DCAF5: variants seen among roughly 807,000 people sequenced by gnomAD.
DCAF5 encodes DDB1- and CUL4-associated factor 5.
A neutral mutation model predicts 80.7 loss-of-function variants in DCAF5; 9 were observed. The ratio of observed to expected loss-of-function variants is 0.11; its 90% confidence interval spans 0.07 to 0.19. DCAF5 has a LOEUF of 0.19. Ranked by LOEUF, DCAF5 falls within the 10% of genes least tolerant of loss-of-function variation. The probability of loss-of-function intolerance (pLI) is 1.00; values close to 1 mark genes in which losing one functional copy is unlikely to be tolerated. For missense variants in DCAF5, 842 were observed against 1,205.7 expected (o/e 0.70, Z 4.47); for synonymous variants, 433 against 461.9 (o/e 0.94, Z 0.80).
In DCAF5 at chr14:69,050,933, A is replaced by T. The variant is rs1486296490; in HGVS notation, c.*2924T>A. ...AAGAGGAAGACGTGAGAAGTGAATA[A>T]TAGGTTTATTTGCATATACACAAGA... On this transcript the variant is annotated 3_prime_UTR_variant, in exon 9 of 9. Coordinates refer to ENST00000341516, the MANE Select transcript of DCAF5 (RefSeq NM_003861.3). 2 of 152,678 alleles carry T rather than the reference A, an allele frequency of 1.3e-5. No individual in the cohort carries two copies. Among genetic ancestry groups the T allele is most frequent in the Non-Finnish European group, 2.9e-5 (2 of 68,044 alleles). 9.5% of individuals were successfully genotyped at this position (152,678 alleles called of 1,614,324 possible). A position where few individuals can be genotyped will look rare whatever the true frequency, so the allele number is the denominator to read the frequency against.
At chr14:69,082,756 G>T (rs916832802) in intron 6 of DCAF5, among the ~76,000 whole-genome samples, 1 of 152,160 alleles carries the variant, frequency 6.6e-6, no homozygotes, top group Non-Finnish European at 1.5e-5. Flanking sequence ...AAGCAAAGGT[G>T]TTCCAGCATT....
chr14:69,091,328 T>TA (rs993766058), intron 6 of DCAF5, among the ~76,000 whole-genome samples: 3 of 152,198 alleles, frequency 2.0e-5, no homozygotes, highest in African/African-American at 4.8e-5. Context: ...TTCTTTTTTT[T>TA]AATGTCTCTC....
At chr14:69,067,727 C>T (rs564092203) in intron 7 of DCAF5, among the ~76,000 whole-genome samples, 1 of 151,904 alleles carries the variant, frequency 6.6e-6, no homozygotes, top group South Asian at 2.1e-4. Flanking sequence ...ACCTTCACCT[C>T]CCCAGTTCAA....
At chr14:69,139,383 C>T (rs544650240) in intron 1 of DCAF5, among the ~76,000 whole-genome samples, 1 of 152,176 alleles carries the variant, frequency 6.6e-6, no homozygotes, top group African/African-American at 2.4e-5. Flanking sequence ...CCTATGTGTC[C>T]TAGCTACTTG....
At chr14:69,131,986 C>G (rs2041052853) in intron 1 of DCAF5, among the ~76,000 whole-genome samples, 2 of 152,068 alleles carry the variant, frequency 1.3e-5, no homozygotes, top group African/African-American at 4.8e-5. Context: ...CTTTTTAAGG[C>G]TGAATAATAC....
At chr14:69,070,799 TTTTTG>T (rs1298619403) in intron 7 of DCAF5, among the ~76,000 whole-genome samples, 3 of 151,954 alleles carry the variant, frequency 2.0e-5, no homozygotes, top group Non-Finnish European at 4.4e-5. Flanking sequence ...TCTTTTTTTT[TTTTTG>T]TTTTTCTTTT....
At chr14:69,122,948 G>A (rs2040768879) in intron 1 of DCAF5, among the ~76,000 whole-genome samples, 2 of 152,090 alleles carry the variant, frequency 1.3e-5, no homozygotes, top group Admixed American at 1.3e-4. Context: ...GGTTGTTATT[G>A]TTTTTTCCCA....
intron 5 of DCAF5, among the ~76,000 whole-genome samples, chr14:69,099,295 C>CACAT (rs1555373765): frequency 3.1e-4 from 42 of 137,366 alleles, no homozygotes; most frequent in Non-Finnish European, 6.5e-4. Flanking sequence ...CACACACACA[C>CACAT]ACACAACTAA....
At chr14:69,131,038 T>C (rs1455998162) in intron 1 of DCAF5, among the ~76,000 whole-genome samples, 2 of 152,216 alleles carry the variant, frequency 1.3e-5, no homozygotes, top group African/African-American at 2.4e-5. Context: ...AGCTCTCAAA[T>C]TGTCCTTGTG....
Position 69,053,621 on chromosome 14 carries a change from A to G in DCAF5, c.*236T>C. 2.0e-6 allele frequency: 1 copy of G among 495,546 alleles called. No individual in the cohort carries two copies. Among genetic ancestry groups the G allele is most frequent in the Non-Finnish European group, 3.5e-6 (1 of 286,600 alleles). The allele number at this position is 495,546 out of a possible 1,614,324, so 30.7% of individuals were successfully genotyped here. A position where few individuals can be genotyped will look rare whatever the true frequency, so the allele number is the denominator to read the frequency against. On this transcript the variant is annotated 3_prime_UTR_variant, in exon 9 of 9. Coordinates refer to ENST00000341516, the MANE Select transcript of DCAF5 (RefSeq NM_003861.3). ...CTACGCTCACGTCTCACTAGAAAGG[A>G]GTCACTTGGGTTATTTTTTTTTCCC...
At chr14:69,146,094 G>A (rs961218170) in intron 1 of DCAF5, among the ~76,000 whole-genome samples, 3 of 152,174 alleles carry the variant, frequency 2.0e-5, no homozygotes, top group African/African-American at 4.8e-5. Flanking sequence ...GTGAAAGCAC[G>A]TGCTTGTACC....
chr14:69,119,251 C>G lies in DCAF5; in HGVS notation c.359-21G>C, dbSNP rs757989572. The G allele has an allele frequency of 3.1e-6, 5 of 1,612,094 alleles. No individual in the cohort carries two copies. The Admixed American group carries it at 8.4e-5, about 27-fold the overall frequency. Reference sequence around the variant, plus strand: ...ATTGCCTGCAAAAGAAAAAAGCAGACATCTGATCATTCGTGCAAGGTGGTC... The same window carrying G: ...ATTGCCTGCAAAAGAAAAAAGCAGAGATCTGATCATTCGTGCAAGGTGGTC... On this transcript the variant is annotated intron_variant, in intron 2 of 8. Coordinates refer to ENST00000341516, the MANE Select transcript of DCAF5 (RefSeq NM_003861.3).
chr14:69,149,691 T>A (rs1172755407), intron 1 of DCAF5, among the ~76,000 whole-genome samples: 1 of 152,194 alleles, frequency 6.6e-6, no homozygotes. Flanking sequence ...GAACAATCTA[T>A]CATTTTAATC....
intron 5 of DCAF5, among the ~76,000 whole-genome samples, chr14:69,103,024 G>C (rs569550325): frequency 1.3e-5 from 2 of 152,268 alleles, no homozygotes; most frequent in African/African-American, 4.8e-5. Context: ...ATTACCAGGT[G>C]ACAGGAATTT....
In DCAF5 at chr14:69,051,692, G is replaced by A. The variant is rs1354501873; in HGVS notation, c.*2165C>T. 6.6e-6 allele frequency: 1 copy of A among 152,400 alleles called. No homozygotes were observed. The highest frequency in any genetic ancestry group is 1.5e-5 in the Non-Finnish European group (1 of 68,046). The allele number at this position is 152,400 out of a possible 1,614,324, so 9.4% of individuals were successfully genotyped here. ...TAACTACCAAGTAGCTAGTTCCCAA[G>A]GGAACTTTAACTACTTCTTTTCAGG... is the stretch of plus-strand genomic sequence containing the variant. On this transcript the variant is annotated 3_prime_UTR_variant, in exon 9 of 9. Coordinates refer to ENST00000341516, the MANE Select transcript of DCAF5 (RefSeq NM_003861.3).
chr14:69,128,197 T>C (rs887641030), intron 1 of DCAF5, among the ~76,000 whole-genome samples: 42 of 150,592 alleles, frequency 2.8e-4, no homozygotes, highest in Non-Finnish European at 1.3e-4. Flanking sequence ...CTTCTTCTTT[T>C]TTTTTTTTTT....
intron 1 of DCAF5, 78 bp from the exon 2 acceptor site, chr14:69,122,438 C>T (rs2040750756): frequency 2.0e-6 from 3 of 1,496,688 alleles, no homozygotes; most frequent in Non-Finnish European, 2.7e-6. Context: ...AGCCTTGAAT[C>T]CCATCCTTTC....
intron 5 of DCAF5, among the ~76,000 whole-genome samples, chr14:69,112,530 C>G (rs1209413436): frequency 3.3e-5 from 5 of 150,492 alleles, no homozygotes; most frequent in Admixed American, 1.3e-4. Flanking sequence ...GAGATCCTGT[C>G]TCTAAAAATA....
intron 1 of DCAF5, among the ~76,000 whole-genome samples, chr14:69,151,768 C>T (rs2041713333): frequency 6.6e-6 from 1 of 152,122 alleles, no homozygotes; most frequent in Non-Finnish European, 1.5e-5. Context: ...CCGCGGCCCG[C>T]GGGGCCCGGG....
Sources: allele counts gnomAD v4.1 joint callset (sites outside exome capture counted in the v4.1 genomes callset), GRCh38; gene constraint gnomAD v4.1.1; transcripts MANE v1.5; gene names NCBI Gene and HGNC (gene_info 2026-07-23, HGNC 2026-07-21).